DSC3: variants seen among roughly 807,000 people sequenced by gnomAD.
DSC3 encodes desmocollin 3.
A neutral mutation model predicts 89.5 loss-of-function variants in DSC3; 97 were observed. The observed-to-expected ratio is 1.08, with a 90% CI of 0.92 to 1.28. The LOEUF (loss-of-function observed/expected upper bound fraction) is 1.28, where lower values mean the gene tolerates loss of function less well. Among genes scored for constraint, DSC3 ranks in the 50% most tolerant of loss-of-function variants. The pLI is 0.00. For synonymous variants in DSC3, 436 were observed against 384.1 expected, an observed-to-expected ratio of 1.14 and a Z score of -1.58; for missense variants, 1,199 against 1,085.3, an observed-to-expected ratio of 1.10 and a Z score of -1.47.
Position 31,017,928 on chromosome 18 carries a change from A to T in DSC3, c.1263+143T>A. 3 of 606,700 alleles carry T rather than the reference A, an allele frequency of 4.9e-6. No homozygotes were observed. The South Asian group carries it at 7.5e-5, about 15-fold the overall frequency. 37.6% of individuals were successfully genotyped at this position (606,700 alleles called of 1,614,324 possible). A position where few individuals can be genotyped will look rare whatever the true frequency, so the allele number is the denominator to read the frequency against. On this transcript the variant is annotated intron_variant, in intron 9 of 15. Transcript: ENST00000360428. ...ATAAAATTACAGAAGACACACAGGCATGAGATTGGAATAGTGGTTTAAATA... is the reference window on the plus strand; with the variant it reads ...ATAAAATTACAGAAGACACACAGGCTTGAGATTGGAATAGTGGTTTAAATA...
chr18:31,011,969 CAAAAAAAAAA>C (rs371759932), intron 9 of DSC3, among the ~76,000 whole-genome samples: 1 of 51,584 alleles, frequency 1.9e-5, no homozygotes, highest in South Asian at 9.8e-4. Flanking sequence ...ACTCCATCTC[CAAAAAAAAAA>C]AAAAAAAAAG....
At chr18:31,025,050 T>C (rs1985551599) in intron 5 of DSC3, among the ~76,000 whole-genome samples, 1 of 152,200 alleles carries the variant, frequency 6.6e-6, no homozygotes, top group South Asian at 2.1e-4. Flanking sequence ...CTGAAAATTT[T>C]CTAAGCAAAT....
rs944309111 is a variant in DSC3, at chr18:30,992,498, A to G, written c.*1677T>C. Reference sequence around the variant, plus strand: ...TGATCCCTCACCGGACTCAAATGGCAGTTGCCATTGGCCTGAGAAAGGAAA... The same window carrying G: ...TGATCCCTCACCGGACTCAAATGGCGGTTGCCATTGGCCTGAGAAAGGAAA... On this transcript the variant is annotated 3_prime_UTR_variant, in exon 16 of 16. Coordinates refer to ENST00000360428, the MANE Select transcript of DSC3 (RefSeq NM_001941.5). 3.9e-5 allele frequency: 6 copies of G among 152,250 alleles called. No individual in the cohort carries two copies. Among genetic ancestry groups the G allele is most frequent in the African/African-American group, 1.2e-4 (5 of 41,466 alleles). The allele number at this position is 152,250 out of a possible 1,614,324, so 9.4% of individuals were successfully genotyped here.
In DSC3 at chr18:31,020,311, G is replaced by C. The variant is rs146917096; in HGVS notation, c.943-1511C>G. 4.6e-3 allele frequency among the ~76,000 whole-genome samples: 700 copies of C among 152,196 alleles called. 5 individuals are homozygous for C. Among genetic ancestry groups the C allele is most frequent in the African/African-American group, 0.016 (683 of 41,518 alleles). ...AAGGACCTACAGTATTTGTAGCATG[G>C]AGGGAATAAGAAGACCATACAAAGG... On this transcript the variant is annotated intron_variant, in intron 7 of 15. Coordinates refer to ENST00000360428, the MANE Select transcript of DSC3 (RefSeq NM_001941.5).
At chr18:31,018,002 T>G (rs1985289973) in intron 9 of DSC3, 69 bp downstream of exon 9, 1 of 1,330,154 alleles carries the variant, frequency 7.5e-7, no homozygotes, top group South Asian at 1.2e-5. Flanking sequence ...TGAAACTATT[T>G]AGTTGATTAA....
rs1363299935 is a variant in DSC3 at position 30,989,714 on chromosome 18, C to T, written c.*4461G>A. Among the ~76,000 whole-genome samples the T allele has an allele frequency of 1.3e-5, 2 of 152,058 alleles. No individual in the cohort carries two copies. Among genetic ancestry groups the T allele is most frequent in the African/African-American group, 4.8e-5 (2 of 41,398 alleles). ...AAATAAACTGTCGAATACAGAAGCC[C>T]GTAAACATGTTCTGAATACTATTTA... is the stretch of plus-strand genomic sequence containing the variant. On this transcript the variant is annotated 3_prime_UTR_variant, in exon 16 of 16. Coordinates refer to ENST00000360428, the MANE Select transcript of DSC3 (RefSeq NM_001941.5).
intron 14 of DSC3, among the ~76,000 whole-genome samples, chr18:31,001,047 G>T (rs1984636694): frequency 7.0e-6 from 1 of 142,878 alleles, no homozygotes; most frequent in Admixed American, 7.1e-5. Context: ...GTATATGTGT[G>T]TGTATATATA....
intron 1 of DSC3, among the ~76,000 whole-genome samples, chr18:31,033,400 T>C (rs1477804996): frequency 6.6e-6 from 1 of 152,150 alleles, no homozygotes; most frequent in Non-Finnish European, 1.5e-5. Flanking sequence ...AGAGTGGTGC[T>C]GGCAATAGAA....
chr18:31,009,739 T>A (rs552537878), intron 9 of DSC3, among the ~76,000 whole-genome samples: 1 of 152,326 alleles, frequency 6.6e-6, no homozygotes, highest in South Asian at 2.1e-4. Context: ...ATTGACCTCA[T>A]CCTCATTTTA....
chr18:31,021,447 C>T (rs1440343308), intron 7 of DSC3, among the ~76,000 whole-genome samples: 3 of 152,062 alleles, frequency 2.0e-5, no homozygotes, highest in Admixed American at 6.6e-5. Context: ...ACAATTAAAA[C>T]GTTTGTACTA....
In DSC3 at chr18:31,022,396, G is replaced by A. The variant is rs763877207; in HGVS notation, c.882C>T (p.Leu294=). The A allele has an allele frequency of 1.2e-6, 2 of 1,614,078 alleles. No homozygotes were observed. The highest frequency in any genetic ancestry group is 2.2e-5 in the South Asian group (2 of 91,078). The stretch of plus-strand genomic sequence containing the variant: ...CGCCTGTGCTGGGATGCACAGAAAA[G>A]AGCCCAGGTGACCTTGGTGTCTGCT... ...ILQQTPRSPG[L]FSVHPSTGVI... is the part of the protein sequence containing the mutation. Residue 294 remains leucine, a synonymous_variant, in exon 7 of 16, where the codon CTC becomes CTT. Coordinates refer to ENST00000360428, the MANE Select transcript of DSC3 (RefSeq NM_001941.5).
At position 31,004,206 on chromosome 18, in the gene DSC3, A is replaced by T. The variant is rs1984758721; in HGVS notation, c.2049T>A (p.Ser683Arg). ...CCCATTTTCCAAGTATTACTCCTGTACTCCTTGAAGTCGCACGACACTGAG... is the reference window on the plus strand; with the variant it reads ...CCCATTTTCCAAGTATTACTCCTGTTCTCCTTGAAGTCGCACGACACTGAG... ...HPTQCRATSR[S>R]TGVILGKWAI... The change falls in exon 13 of 16, where the codon AGT (serine) becomes AGA (arginine). Residue 683 changes from serine (S) to arginine (R), a missense_variant. Coordinates refer to ENST00000360428, the MANE Select transcript of DSC3 (RefSeq NM_001941.5). 6.2e-7 allele frequency: 1 copy of T among 1,613,790 alleles called. No homozygotes were observed. Among genetic ancestry groups the T allele is most frequent in the Non-Finnish European group, 8.5e-7 (1 of 1,179,908 alleles).
intron 3 of DSC3, among the ~76,000 whole-genome samples, chr18:31,030,535 G>C (rs370349748): frequency 6.6e-6 from 1 of 152,154 alleles, no homozygotes; most frequent in East Asian, 1.9e-4. Flanking sequence ...ACTGACACCA[G>C]TGCACAAAAG....
chr18:31,000,889 T>C (rs1326170753), intron 14 of DSC3, among the ~76,000 whole-genome samples: 7 of 151,840 alleles, frequency 4.6e-5, no homozygotes, highest in Admixed American at 4.6e-4. Flanking sequence ...CATGTTCCTA[T>C]TTTGCTTTTC....
intron 15 of DSC3, among the ~76,000 whole-genome samples, chr18:30,996,583 A>T (rs1258607101): frequency 1.3e-5 from 2 of 152,166 alleles, no homozygotes; most frequent in Non-Finnish European, 1.5e-5. Flanking sequence ...TATTTATGGG[A>T]TTTTATAAAT....
intron 1 of DSC3, among the ~76,000 whole-genome samples, chr18:31,033,624 G>A (rs1354211287): frequency 6.6e-6 from 1 of 152,092 alleles, no homozygotes; most frequent in East Asian, 1.9e-4. Flanking sequence ...ATAAATGTAA[G>A]AAATAAATTA....
At chr18:31,003,268 A>G (rs556473712) in intron 13 of DSC3, among the ~76,000 whole-genome samples, 20 of 152,242 alleles carry the variant, frequency 1.3e-4, no homozygotes, top group African/African-American at 4.6e-4. Context: ...TTTTTCCTCC[A>G]TAGCATTTAA....
intron 12 of DSC3, among the ~76,000 whole-genome samples, chr18:31,006,684 C>T (rs111660032): frequency 1.3e-5 from 2 of 152,204 alleles, no homozygotes; most frequent in African/African-American, 4.8e-5. Flanking sequence ...CAAAGCTTTC[C>T]TTTGTTGTAA....
chr18:31,003,905 C>T (rs1443501510), intron 13 of DSC3, among the ~76,000 whole-genome samples: 1 of 152,134 alleles, frequency 6.6e-6, no homozygotes, highest in African/African-American at 2.4e-5. Context: ...TTGTCAGATT[C>T]TGTGAAATCT....
Sources: gnomAD v4.1 joint callset for allele counts (sites outside exome capture counted in the v4.1 genomes callset) on GRCh38, gnomAD v4.1.1 for gene constraint, MANE v1.5 for transcripts, NCBI Gene and HGNC (gene_info 2026-07-23, HGNC 2026-07-21) for gene names.